The following RIMS2 variants were observed in gnomAD, a reference collection of about 807,000 sequenced individuals.
RIMS2 encodes the protein regulating synaptic membrane exocytosis 2.
Under a neutral mutation model 174.4 loss-of-function variants are expected in RIMS2, and 59 were observed. The observed-to-expected ratio is 0.34, with a 90% CI of 0.27 to 0.42. The LOEUF (loss-of-function observed/expected upper bound fraction) is 0.42. RIMS2 is among the 10% of genes least tolerant of loss of function. RIMS2 has a pLI of 1.00. For synonymous variants in RIMS2, 606 were observed against 572.5 expected, an observed-to-expected ratio of 1.06 and a Z score of -0.84; for missense variants, 1,620 against 1,666.3, an observed-to-expected ratio of 0.97 and a Z score of 0.48.
At chr8:103,793,645 C>A (rs573718089) in intron 3 of RIMS2, among the ~76,000 whole-genome samples, 10 of 152,242 alleles carry the variant, frequency 6.6e-5, no homozygotes, top group Middle Eastern at 6.8e-3. Flanking sequence ...CAAATTGTCC[C>A]TGTTTGCAGA....
chr8:104,008,794 T>C (rs1378972495), intron 17 of RIMS2, among the ~76,000 whole-genome samples: 1 of 152,062 alleles, frequency 6.6e-6, no homozygotes, highest in Admixed American at 6.6e-5. Context: ...ACTCTAAATA[T>C]TGTTGTCATC....
At chr8:104,068,879 C>T (rs1209712850) in intron 19 of RIMS2, among the ~76,000 whole-genome samples, 6 of 151,982 alleles carry the variant, frequency 3.9e-5, no homozygotes, top group South Asian at 2.1e-4. Context: ...ATCTATAGCC[C>T]CTCAAAAATG....
intron 19 of RIMS2, among the ~76,000 whole-genome samples, chr8:104,072,344 G>C (rs1361661532): frequency 1.3e-5 from 2 of 151,264 alleles, no homozygotes; most frequent in African/African-American, 4.9e-5. Flanking sequence ...TTTTTATTTT[G>C]ATAACAAATG....
At chr8:103,672,067 C>T (rs772197304) in intron 1 of RIMS2, among the ~76,000 whole-genome samples, 4 of 152,068 alleles carry the variant, frequency 2.6e-5, no homozygotes, top group Non-Finnish European at 5.9e-5. Flanking sequence ...TCACTAGTCA[C>T]TGTAAATAAT....
chr8:103,714,404 A>G (rs1239729212), intron 2 of RIMS2, among the ~76,000 whole-genome samples: 1 of 152,198 alleles, frequency 6.6e-6, no homozygotes, highest in Non-Finnish European at 1.5e-5. Context: ...ACCAGCCTTG[A>G]GAGAGAATAT....
chr8:103,715,526 T>C (rs2097357676), intron 2 of RIMS2, among the ~76,000 whole-genome samples: 1 of 152,210 alleles, frequency 6.6e-6, no homozygotes. Flanking sequence ...TGATTTTGGT[T>C]TTAATTATTG....
At chr8:103,580,457 G>C (rs992933343) in intron 1 of RIMS2, among the ~76,000 whole-genome samples, 2 of 151,908 alleles carry the variant, frequency 1.3e-5, no homozygotes, top group African/African-American at 4.8e-5. Context: ...GTGTGTGTGT[G>C]TGTGTGTGTG....
At chr8:103,615,425 T>G (rs1321436934) in intron 1 of RIMS2, among the ~76,000 whole-genome samples, 1 of 152,088 alleles carries the variant, frequency 6.6e-6, no homozygotes, top group Admixed American at 6.6e-5. Flanking sequence ...ATCAAAAAGT[T>G]AGAAAGATCT....
chr8:103,911,776 A>G (rs1225524002), intron 5 of RIMS2, among the ~76,000 whole-genome samples: 1 of 152,170 alleles, frequency 6.6e-6, no homozygotes, highest in East Asian at 1.9e-4. Flanking sequence ...CAGATTTTGT[A>G]GAGCTATATA....
exon 12 of RIMS2, chr8:103,931,355 G>T: frequency 6.2e-7 from 1 of 1,604,164 alleles, no homozygotes; most frequent in South Asian, 1.1e-5. Flanking sequence ...GGAGGCCAAG[G>T]AATCCTTATG....
chr8:103,858,578 T>G (rs1204212542), intron 3 of RIMS2, among the ~76,000 whole-genome samples: 1 of 151,734 alleles, frequency 6.6e-6, no homozygotes, highest in Non-Finnish European at 1.5e-5. Flanking sequence ...TAACCATATA[T>G]ATGTACACAT....
At chr8:103,680,599 G>A (rs2096868195) in intron 1 of RIMS2, among the ~76,000 whole-genome samples, 2 of 152,080 alleles carry the variant, frequency 1.3e-5, no homozygotes, top group South Asian at 4.1e-4. Flanking sequence ...AACAGACTGA[G>A]AGAAGAAATG....
chr8:103,811,489 G>A (rs957915003), intron 3 of RIMS2, among the ~76,000 whole-genome samples: 6 of 152,130 alleles, frequency 3.9e-5, no homozygotes, highest in African/African-American at 1.2e-4. Context: ...CTGTCACCCA[G>A]GCTGGAGTGC....
chr8:104,058,695 G>A (rs1452752213), intron 19 of RIMS2, among the ~76,000 whole-genome samples: 1 of 152,096 alleles, frequency 6.6e-6, no homozygotes, highest in Non-Finnish European at 1.5e-5. Flanking sequence ...GGTTTTTATG[G>A]TTTTAGGTCT....
At chr8:103,767,193 T>A (rs1215400948) in intron 3 of RIMS2, among the ~76,000 whole-genome samples, 1 of 6,046 alleles carries the variant, frequency 1.7e-4, no homozygotes, top group Non-Finnish European at 2.5e-4. Flanking sequence ...TTTTTCTTTC[T>A]TTTTTTTTTT....
In RIMS2 at chr8:103,941,211, G is replaced by A. The variant is rs762541118; in HGVS notation, c.2548-1562G>A. 3.3e-5 allele frequency among the ~76,000 whole-genome samples: 5 copies of A among 152,292 alleles called. No individual in the cohort carries two copies. In the South Asian group the frequency reaches 1.0e-3, roughly 32 times the overall value. ...GAAGAATGAAACAACTCCAGGCATG[G>A]TGGCTCACACTTGTAATACCAATCC... On this transcript the variant is annotated intron_variant, in intron 13 of 23. Coordinates refer to ENST00000504942, the Ensembl canonical transcript of RIMS2.
intron 1 of RIMS2, among the ~76,000 whole-genome samples, chr8:103,614,538 T>A (rs1324366069): frequency 6.6e-6 from 1 of 152,256 alleles, no homozygotes; most frequent in East Asian, 1.9e-4. Flanking sequence ...ATAGTGCTTT[T>A]GTGTGTGCCG....
At chr8:103,810,237 C>T (rs937369248) in intron 3 of RIMS2, among the ~76,000 whole-genome samples, 3 of 152,072 alleles carry the variant, frequency 2.0e-5, no homozygotes, top group Admixed American at 6.6e-5. Flanking sequence ...CTAAGCTGAG[C>T]CTCCTTAGAA....
intron 3 of RIMS2, among the ~76,000 whole-genome samples, chr8:103,802,151 C>T (rs2098613609): frequency 6.6e-6 from 1 of 152,148 alleles, no homozygotes; most frequent in African/African-American, 2.4e-5. Context: ...AGAATTTTAA[C>T]ACCAAAATGA....
Sources: allele counts gnomAD v4.1 joint callset (sites outside exome capture counted in the v4.1 genomes callset), GRCh38; gene constraint gnomAD v4.1.1; transcripts MANE v1.5; gene names NCBI Gene and HGNC (gene_info 2026-07-23, HGNC 2026-07-21).